Variants in NHSL1 observed in about 807,000 individuals in gnomAD.
NHSL1 encodes the protein NHS-like protein 1.
Under a neutral mutation model 95.0 loss-of-function variants are expected in NHSL1, and 48 were observed. The observed-to-expected ratio is 0.51, with a 90% confidence interval of 0.40 to 0.64. The LOEUF is 0.64. NHSL1 is among the 30% of genes least tolerant of loss of function. NHSL1 has a pLI of 0.00. For synonymous variants in NHSL1, 783 were observed against 833.9 expected, an observed-to-expected ratio of 0.94 and a Z score of 1.05; for missense variants, 1,971 against 2,077.7, an observed-to-expected ratio of 0.95 and a Z score of 1.00.
chr6:138,499,284 C>T lies in NHSL1; in HGVS notation c.7G>A (p.Val3Ile). The T allele has an allele frequency of 6.4e-7, 1 of 1,550,720 alleles. No individual in the cohort carries two copies. Among genetic ancestry groups the T allele is most frequent in the Non-Finnish European group, 8.7e-7 (1 of 1,146,312 alleles). Residue 3 changes from valine (V) to isoleucine (I), a missense_variant, in exon 1 of 8, where the codon GTC becomes ATC. By Grantham distance (29) the Val-to-Ile change is conservative. This residue lies in a region of NHSL1 where 1,602 missense variants were observed against 1,654.5 expected (regional missense o/e 0.97). Transcript: ENST00000343505. MV[V>I]FINAKIKSLI... is the part of the protein sequence containing the mutation. ...GACTTAATCTTTGCATTAATGAAGA[C>T]CACCATTTCCAGGGCACCTACATAG...
intron 1 of NHSL1, among the ~76,000 whole-genome samples, chr6:138,683,318 C>T (rs1785537934): frequency 6.6e-6 from 1 of 152,244 alleles, no homozygotes; most frequent in South Asian, 2.1e-4. Flanking sequence ...CAGCTTTCAT[C>T]TTCCAGGCTT....
chr6:138,426,887 G>A (rs1236535317), intron 7 of NHSL1, among the ~76,000 whole-genome samples: 3 of 152,168 alleles, frequency 2.0e-5, no homozygotes, highest in African/African-American at 4.8e-5. Flanking sequence ...AGTTAGGACC[G>A]GCTGACAAAA....
At chr6:138,608,907 C>G (rs1460961243) in intron 1 of NHSL1, among the ~76,000 whole-genome samples, 1 of 152,122 alleles carries the variant, frequency 6.6e-6, no homozygotes, top group Non-Finnish European at 1.5e-5. Context: ...TTCATTCAAC[C>G]CCACTGTCTT....
At chr6:138,537,981 C>T (rs1156328346) in intron 1 of NHSL1, among the ~76,000 whole-genome samples, 2 of 152,178 alleles carry the variant, frequency 1.3e-5, no homozygotes, top group African/African-American at 4.8e-5. Flanking sequence ...TGCTCATCAA[C>T]ACGCAATGAA....
chr6:138,670,377 A>C (rs1785348891), intron 1 of NHSL1, among the ~76,000 whole-genome samples: 1 of 151,838 alleles, frequency 6.6e-6, no homozygotes, highest in Non-Finnish European at 1.5e-5. Flanking sequence ...AGGTAAAAAA[A>C]AAAAAAAGGC....
chr6:138,430,369 G>C lies in NHSL1; in HGVS notation c.3952+24C>G. The C allele has an allele frequency of 6.9e-7, 1 of 1,450,120 alleles. No homozygotes were observed. The highest frequency in any genetic ancestry group is 9.1e-7 in the Non-Finnish European group (1 of 1,097,484). The allele number at this position is 1,450,120 out of a possible 1,614,324, so 89.8% of individuals were successfully genotyped here. On this transcript the variant is annotated intron_variant, in intron 6 of 7. Coordinates refer to ENST00000343505, the MANE Select transcript of NHSL1 (RefSeq NM_001144060.2). This position sits in a 1 kb window ranked among gnomAD's most constrained non-coding sequence, Gnocchi z 4.7. The stretch of plus-strand genomic sequence containing the variant: ...GCATATGGGCAGAGGGCACAGGAGA[G>C]AGAAGCCAGGAAGCCAGACTCACCT...
intron 4 of NHSL1, among the ~76,000 whole-genome samples, chr6:138,445,098 TTC>T (rs1776778826): frequency 6.6e-6 from 1 of 152,200 alleles, no homozygotes; most frequent in Admixed American, 6.5e-5. Flanking sequence ...TGACACTGTC[TTC>T]TGTTGTGACA....
chr6:138,639,928 C>T (rs1242187746), intron 1 of NHSL1, among the ~76,000 whole-genome samples: 4 of 138,980 alleles, frequency 2.9e-5, no homozygotes, highest in Non-Finnish European at 4.6e-5. Context: ...CTCCACAATG[C>T]TGTATTTTAT....
At chr6:138,494,807 C>T (rs977380025) in intron 2 of NHSL1, among the ~76,000 whole-genome samples, 5 of 152,210 alleles carry the variant, frequency 3.3e-5, no homozygotes, top group Admixed American at 2.0e-4. Context: ...GGAGCAGCAT[C>T]TGGTAGAATA....
chr6:138,507,974 A>T (rs1311968982), intron 1 of NHSL1, among the ~76,000 whole-genome samples: 1 of 152,194 alleles, frequency 6.6e-6, no homozygotes, highest in Non-Finnish European at 1.5e-5. Context: ...ATGCTAGGAA[A>T]CACCCTTTAC....
At chr6:138,437,353 TATACACATATATATATATAC>T (rs1562270251) in intron 5 of NHSL1, among the ~76,000 whole-genome samples, 3 of 69,734 alleles carry the variant, frequency 4.3e-5, no homozygotes, top group Admixed American at 1.6e-4. Context: ...CACATATATA[TATACACATATATATATATAC>T]ACATATATAT....
intron 1 of NHSL1, among the ~76,000 whole-genome samples, chr6:138,639,760 C>T (rs1320980543): frequency 2.4e-5 from 3 of 127,532 alleles, no homozygotes; most frequent in Non-Finnish European, 3.1e-5. Flanking sequence ...GAGCCAAGGT[C>T]GCACCTCTAG....
At chr6:138,511,412 A>ATGTGTGTGTGTGAGAGAGAG (rs1562339066) in intron 1 of NHSL1, among the ~76,000 whole-genome samples, 2 of 148,986 alleles carry the variant, frequency 1.3e-5, no homozygotes, top group Non-Finnish European at 3.0e-5. Flanking sequence ...GTGTGTGTGT[A>ATGTGTGTGTGTGAGAGAGAG]TGTGTGTGTG....
intron 2 of NHSL1, among the ~76,000 whole-genome samples, chr6:138,481,861 T>C (rs1779434414): frequency 6.6e-6 from 1 of 152,172 alleles, no homozygotes; most frequent in South Asian, 2.1e-4. Flanking sequence ...AGACCACTTC[T>C]TCACCAATTA....
At chr6:138,660,410 T>C (rs1785211301) in intron 1 of NHSL1, among the ~76,000 whole-genome samples, 1 of 152,054 alleles carries the variant, frequency 6.6e-6, no homozygotes, top group Admixed American at 6.6e-5. Context: ...ATAAAAGTAC[T>C]CCACCCTTGA....
At chr6:138,564,563 C>T (rs1783534991) in intron 1 of NHSL1, among the ~76,000 whole-genome samples, 1 of 152,030 alleles carries the variant, frequency 6.6e-6, no homozygotes, top group Non-Finnish European at 1.5e-5. Context: ...AGCACATTAG[C>T]CTGTGCACAA....
chr6:138,576,891 A>G (rs976036781), upstream of NHSL1, among the ~76,000 whole-genome samples: 2 of 152,210 alleles, frequency 1.3e-5, no homozygotes, highest in Non-Finnish European at 2.9e-5. Flanking sequence ...GGGACAAGAA[A>G]TTACTCTATA....
chr6:138,548,081 C>A (rs1017847061), upstream of NHSL1, among the ~76,000 whole-genome samples: 1 of 151,976 alleles, frequency 6.6e-6, no homozygotes, highest in African/African-American at 2.4e-5. Context: ...CTCCTGAGTT[C>A]AAGCAATTCG....
At chr6:138,662,215 C>CA (rs1191689629) in intron 1 of NHSL1, among the ~76,000 whole-genome samples, 1 of 149,438 alleles carries the variant, frequency 6.7e-6, no homozygotes, top group Non-Finnish European at 1.5e-5. Flanking sequence ...AACAAACAAA[C>CA]AAAAAAAGAA....
Sources: allele counts gnomAD v4.1 joint callset (sites outside exome capture counted in the v4.1 genomes callset), GRCh38; gene constraint gnomAD v4.1.1; regional missense constraint gnomAD v4.1.1; non-coding constraint Gnocchi (gnomAD v3.1); transcripts MANE v1.5; gene names NCBI Gene and HGNC (gene_info 2026-07-23, HGNC 2026-07-21).